Variants in IREB2 observed in about 807,000 individuals in gnomAD.
IREB2 encodes the protein iron responsive element binding protein 2, also known as iron-responsive element-binding protein 2.
In IREB2, 39 loss-of-function variants were observed where a neutral mutation model predicts 118.8. The ratio of observed to expected loss-of-function variants is 0.33; its 90% CI spans 0.25 to 0.43. IREB2 has a LOEUF of 0.43. Ranked by LOEUF, IREB2 falls within the 20% of genes least tolerant of loss-of-function variation. IREB2 has a pLI of 1.00. For missense variants in IREB2, 900 were observed against 1,147.3 expected, an observed-to-expected ratio of 0.78 and a Z score of 3.11; for synonymous variants, 372 against 392.2, an observed-to-expected ratio of 0.95 and a Z score of 0.61.
intron 20 of IREB2, among the ~76,000 whole-genome samples, chr15:78,494,803 G>A (rs2051813066): frequency 6.6e-6 from 1 of 152,110 alleles, no homozygotes; most frequent in African/African-American, 2.4e-5. Context: ...GAACTCCTGG[G>A]CTCAAGTGAT....
chr15:78,481,365 G>A (rs1449134283), intron 10 of IREB2, among the ~76,000 whole-genome samples: 2 of 150,998 alleles, frequency 1.3e-5, no homozygotes, highest in African/African-American at 4.9e-5. Context: ...ACCATGCCCG[G>A]CTTTTTTTTT....
chr15:78,487,996 C>T (rs533602714), intron 14 of IREB2, among the ~76,000 whole-genome samples, 179 bp downstream of exon 14: 2 of 152,192 alleles, frequency 1.3e-5, no homozygotes, highest in African/African-American at 4.8e-5. Flanking sequence ...TGAAATAATT[C>T]CTTCATAATA....
chr15:78,472,019 T>C (rs2141489779), intron 7 of IREB2, 95 bp downstream of exon 7: 3 of 892,288 alleles, frequency 3.4e-6, no homozygotes, highest in Middle Eastern at 5.2e-4. Flanking sequence ...TATAGCCTCT[T>C]TGAGGCTCTG....
Position 78,471,769 on chromosome 15 carries a change from C to A in IREB2, c.728C>A (p.Ala243Glu). ...AGTTCAAGAGTTTTTAAGAATGTGGCAGTGATCCCTCCTGGAACTGGAATG... is the reference window on the plus strand; with the variant it reads ...AGTTCAAGAGTTTTTAAGAATGTGGAAGTGATCCCTCCTGGAACTGGAATG... ...KWSSRVFKNV[A>E]VIPPGTGMAH... is the part of the protein sequence containing the mutation. The change falls in exon 7 of 22, where the codon GCA (alanine) becomes GAA (glutamate). Residue 243 changes from alanine to glutamate, a missense_variant. Transcript: ENST00000258886. The A allele has an allele frequency of 1.9e-6, 3 of 1,609,228 alleles. No homozygotes were observed. The highest frequency in any genetic ancestry group is 1.1e-5 in the South Asian group (1 of 89,780).
rs750321405 is a variant in IREB2 at position 78,485,707 on chromosome 15, C to G, written c.1576C>G (p.Leu526Val). ...ATCATTGTTTGTTGGCTGTGCAGGT[C>G]TTTTGGCTAAAAAGGCTGTTGAAGC... is the stretch of plus-strand genomic sequence containing the variant. ...CNPSVMLAAGLLAKKAVEAGL... is the reference protein window; with the variant it reads ...CNPSVMLAAGVLAKKAVEAGL... The change falls in exon 13 of 22, where the codon CTT becomes GTT. Residue 526 changes from leucine (L) to valine (V), a missense_variant and splice_region_variant. Coordinates refer to ENST00000258886, the MANE Select transcript of IREB2 (RefSeq NM_004136.4). The G allele has an allele frequency of 5.0e-6, 8 of 1,612,918 alleles. No homozygotes were observed. The Admixed American group carries it at 1.2e-4, about 24-fold the overall frequency.
chr15:78,451,218 G>A lies in IREB2; in HGVS notation c.106+11337G>A, dbSNP rs567725137. Among the ~76,000 whole-genome samples, 164 of 151,940 alleles carry A rather than the reference G, an allele frequency of 1.1e-3. 1 individual carries two copies. The highest frequency in any genetic ancestry group is 3.6e-3 in the Admixed American group (55 of 15,260). On this transcript the variant is annotated intron_variant, in intron 2 of 21. Transcript: ENST00000258886. ...TGACCTCAGATGATCCACCCACCTC[G>A]GCCTCCCAAAGTGCTGGGATTACAG... is the stretch of plus-strand genomic sequence containing the variant.
chr15:78,446,876 A>G (rs569054706), intron 2 of IREB2, among the ~76,000 whole-genome samples: 35 of 96,274 alleles, frequency 3.6e-4, no homozygotes, highest in Non-Finnish European at 7.5e-4. Context: ...AAAGAATGCC[A>G]GTTTACATGC....
At position 78,500,280 on chromosome 15, in the gene IREB2, G is replaced by A. The variant is rs1204479399; in HGVS notation, c.*2137G>A. On this transcript the variant is annotated 3_prime_UTR_variant, in exon 22 of 22. Coordinates refer to ENST00000258886, the MANE Select transcript of IREB2 (RefSeq NM_004136.4). ...AACATTCACATATCCAGTCTACCTG[G>A]TCCAGTAATAATACAAGCAAATCTT... is the stretch of plus-strand genomic sequence containing the variant. The A allele has an allele frequency of 6.6e-6, 1 of 152,108 alleles. No individual in the cohort carries two copies. Among genetic ancestry groups the A allele is most frequent in the Non-Finnish European group, 1.5e-5 (1 of 68,018 alleles). The allele number at this position is 152,108 out of a possible 1,614,324, so 9.4% of individuals were successfully genotyped here. A position where few individuals can be genotyped will look rare whatever the true frequency, so the allele number is the denominator to read the frequency against.
chr15:78,487,763 T>C lies in IREB2; in HGVS notation c.1740T>C (p.Ile580=), dbSNP rs2051684527. ...GFEIVGYGCS[I]CVGNTAPLSD... ...AAATCGTTGGCTATGGATGTTCAAT[T>C]TGTGTGGGAAATACAGCACCCTTAT... Residue 580 remains isoleucine, a synonymous_variant, in exon 14 of 22, where the codon ATT becomes ATC. Transcript: ENST00000258886. The C allele has an allele frequency of 1.2e-6, 2 of 1,608,766 alleles. No homozygotes were observed. Among genetic ancestry groups the C allele is most frequent in the Non-Finnish European group, 1.7e-6 (2 of 1,175,540 alleles).
chr15:78,444,138 G>T (rs547878183), intron 2 of IREB2, among the ~76,000 whole-genome samples: 1 of 151,572 alleles, frequency 6.6e-6, no homozygotes, highest in Admixed American at 6.6e-5. Context: ...GCTCACTGGA[G>T]CCTTGAACTC....
intron 5 of IREB2, among the ~76,000 whole-genome samples, chr15:78,469,010 A>G (rs192161081): frequency 2.4e-4 from 36 of 152,320 alleles, no homozygotes; most frequent in African/African-American, 8.4e-4. Context: ...GTAAGTGCTT[A>G]GTGCTATATT....
At chr15:78,461,986 C>T (rs1404641512) in intron 2 of IREB2, among the ~76,000 whole-genome samples, 5 of 151,868 alleles carry the variant, frequency 3.3e-5, no homozygotes, top group African/African-American at 1.2e-4. Context: ...TTTATCCTTT[C>T]GTTGTTTCTT....
intron 3 of IREB2, among the ~76,000 whole-genome samples, chr15:78,464,787 T>C (rs2051253647): frequency 6.6e-6 from 1 of 152,208 alleles, no homozygotes; most frequent in South Asian, 2.1e-4. Flanking sequence ...TATTTGGCCT[T>C]GTACCATTGG....
At chr15:78,447,179 C>CTTTT (rs199780442) in intron 2 of IREB2, among the ~76,000 whole-genome samples, 10 of 137,146 alleles carry the variant, frequency 7.3e-5, no homozygotes, top group Admixed American at 1.6e-4. Flanking sequence ...TTCTTTCTTT[C>CTTTT]TTTTTTTTTT....
chr15:78,500,730 A>G lies in IREB2; in HGVS notation c.*2587A>G, dbSNP rs1396647194. ...TTGCTACTCTTATACAATGGAATCA[A>G]TGGAAATGTCATCCAGCCACTGAAT... On this transcript the variant is annotated 3_prime_UTR_variant, in exon 22 of 22. Coordinates refer to ENST00000258886, the MANE Select transcript of IREB2 (RefSeq NM_004136.4). The G allele has an allele frequency of 3.9e-5, 6 of 152,206 alleles. No homozygotes were observed. The highest frequency in any genetic ancestry group is 1.2e-4 in the African/African-American group (5 of 41,454). The allele number at this position is 152,206 out of a possible 1,614,324, so 9.4% of individuals were successfully genotyped here. A position where few individuals can be genotyped will look rare whatever the true frequency, so the allele number is the denominator to read the frequency against.
At chr15:78,489,930 A>G (rs989865788) in intron 16 of IREB2, among the ~76,000 whole-genome samples, 1 of 152,220 alleles carries the variant, frequency 6.6e-6, no homozygotes, top group Non-Finnish European at 1.5e-5. Context: ...TACCTCATAC[A>G]TGCTTAATCT....
intron 21 of IREB2, among the ~76,000 whole-genome samples, chr15:78,497,643 AAG>A (rs1448105218): frequency 1.3e-5 from 2 of 152,202 alleles, no homozygotes; most frequent in Non-Finnish European, 1.5e-5. Flanking sequence ...TACCACTCCA[AAG>A]AGAGCAAAGT....
At chr15:78,450,057 T>C (rs1244121361) in intron 2 of IREB2, among the ~76,000 whole-genome samples, 2 of 152,186 alleles carry the variant, frequency 1.3e-5, no homozygotes, top group Non-Finnish European at 2.9e-5. Flanking sequence ...TTTTTTTTAC[T>C]TGTTGCATGA....
rs1481932396 is a variant in IREB2 at position 78,488,656 on chromosome 15, C to G, written c.1961C>G (p.Pro654Arg). The change falls in exon 16 of 22, where the codon CCC (proline) becomes CGC (arginine). Residue 654 changes from proline (P) to arginine (R), a missense_variant. Pro to Arg is a moderately radical substitution (Grantham distance 103). Coordinates refer to ENST00000258886, the MANE Select transcript of IREB2 (RefSeq NM_004136.4). The stretch of plus-strand genomic sequence containing the variant: ...CAAAAATTTTAACCAGGTACTGACC[C>G]CACCGGCAAGAACATTTACCTGCAT... ...DFQTEPLGTD[P>R]TGKNIYLHDI... 1.2e-6 allele frequency: 2 copies of G among 1,607,656 alleles called. No individual in the cohort carries two copies. Among genetic ancestry groups the G allele is most frequent in the Non-Finnish European group, 1.7e-6 (2 of 1,178,262 alleles).
Sources: allele counts gnomAD v4.1 joint callset (sites outside exome capture counted in the v4.1 genomes callset), GRCh38; gene constraint gnomAD v4.1.1; transcripts MANE v1.5; gene names NCBI Gene and HGNC (gene_info 2026-07-23, HGNC 2026-07-21).